Variants in PRDM1 observed in about 807,000 individuals in gnomAD.
PRDM1 encodes the protein PR domain zinc finger protein 1.
PRDM1 carries 13 observed loss-of-function variants against 62.8 expected under a neutral mutation model. That is an observed-to-expected ratio of 0.21 (90% CI 0.13 to 0.33). The LOEUF is 0.33. Among genes scored for constraint, PRDM1 ranks in the 10% least tolerant of loss-of-function variants. The probability of loss-of-function intolerance (pLI) is 1.00; values close to 1 mark genes in which losing one functional copy is unlikely to be tolerated. For synonymous variants in PRDM1, 396 were observed against 417.6 expected (o/e 0.95, Z 0.63); for missense variants, 895 against 1,058.8 (o/e 0.85, Z 2.15).
At chr6:106,103,479 C>T (rs1774336056) in intron 4 of PRDM1, among the ~76,000 whole-genome samples, 1 of 152,152 alleles carries the variant, frequency 6.6e-6, no homozygotes, top group Non-Finnish European at 1.5e-5. Context: ...CATTGACAGC[C>T]AATGCCTTCA....
In PRDM1 at chr6:105,995,842, G is replaced by A. The variant is rs185787370; in HGVS notation, c.-67+2203G>A. ...AAAATAATAAGTGTAACTAATTTTC[G>A]GGGACAATCTTTAGTTTGTAAGGCC... On this transcript the variant is annotated intron_variant, in intron 1 of 6. Coordinates refer to the PRDM1 transcript ENST00000652320. Among the ~76,000 whole-genome samples, 376 of 152,024 alleles carry A rather than the reference G, an allele frequency of 2.5e-3. 1 individual carries two copies. Among genetic ancestry groups the A allele is most frequent in the African/African-American group, 9.0e-3 (372 of 41,456 alleles).
intron 1 of PRDM1, among the ~76,000 whole-genome samples, chr6:106,040,847 A>G (rs1310055903): frequency 6.6e-6 from 1 of 152,240 alleles, no homozygotes; most frequent in Admixed American, 6.5e-5. Flanking sequence ...AAAACAGATC[A>G]TATTACTATC....
rs931566033 is a variant in PRDM1, at chr6:106,107,519, G to A, written c.*33G>A. On this transcript the variant is annotated 3_prime_UTR_variant, in exon 7 of 7. Coordinates refer to ENST00000369096, the MANE Select transcript of PRDM1 (RefSeq NM_001198.4). ...AGAAAACACTTATTTTGTTTCTTAA[G>A]TTATGACTTGGTGAGTCAGGGTGCC... is the stretch of plus-strand genomic sequence containing the variant. 4 of 1,548,910 alleles carry A rather than the reference G, an allele frequency of 2.6e-6. No homozygotes were observed. Among genetic ancestry groups the A allele is most frequent in the Non-Finnish European group, 2.6e-6 (3 of 1,144,088 alleles).
In PRDM1 at chr6:106,086,354, C is replaced by T; in HGVS notation, c.-200C>T. ...GACGGTTAACACAGACAAAGTGCTG[C>T]CGTGACACTCGGCCCTCCAGTGTTG... On this transcript the variant is annotated 5_prime_UTR_variant, in exon 1 of 7. Coordinates refer to ENST00000369096, the MANE Select transcript of PRDM1 (RefSeq NM_001198.4). The T allele has an allele frequency of 1.9e-6, 1 of 520,774 alleles. No individual in the cohort carries two copies. Among genetic ancestry groups the T allele is most frequent in the Non-Finnish European group, 3.5e-6 (1 of 289,556 alleles). 32.3% of individuals were successfully genotyped at this position (520,774 alleles called of 1,614,324 possible). A position where few individuals can be genotyped will look rare whatever the true frequency, so the allele number is the denominator to read the frequency against.
At chr6:106,055,411 A>G (rs900747447) in intron 1 of PRDM1, among the ~76,000 whole-genome samples, 5 of 152,218 alleles carry the variant, frequency 3.3e-5, no homozygotes, top group Non-Finnish European at 7.3e-5. Flanking sequence ...GCATGTGATT[A>G]GTAGCCTGGT....
In PRDM1 at chr6:106,088,249, G is replaced by GAGGGGACCA; in HGVS notation, c.101_109dup (p.Lys34_Thr36dup). 1.2e-6 allele frequency: 2 copies of GAGGGGACCA among 1,614,098 alleles called. No homozygotes were observed. Among genetic ancestry groups the GAGGGGACCA allele is most frequent in the Non-Finnish European group, 1.7e-6 (2 of 1,179,994 alleles). ...CACTGTGAGGTTTCAGGGATTGGCA[G>GAGGGGACCA]AGGGGACCAAGGGGACCATGAAAAT... is the stretch of plus-strand genomic sequence containing the variant. On this transcript the variant is annotated inframe_insertion, in exon 2 of 7. Coordinates refer to ENST00000369096, the MANE Select transcript of PRDM1 (RefSeq NM_001198.4).
chr6:106,092,869 A>T (rs1774001084), intron 2 of PRDM1, among the ~76,000 whole-genome samples: 1 of 152,220 alleles, frequency 6.6e-6, no homozygotes, highest in Non-Finnish European at 1.5e-5. Flanking sequence ...GTGGTTTGTA[A>T]GTGCCTTCCA....
intron 1 of PRDM1, among the ~76,000 whole-genome samples, chr6:106,055,264 G>A (rs192570516): frequency 5.8e-4 from 89 of 152,332 alleles, no homozygotes; most frequent in African/African-American, 2.0e-3. Flanking sequence ...AAAAAGTAGA[G>A]TTGGCTTTTA....
At position 106,075,441 on chromosome 6, in the gene PRDM1, AT is replaced by A. The variant is rs562313320; in HGVS notation, c.-66-12758del. On this transcript the variant is annotated intron_variant, in intron 1 of 6. Transcript: ENST00000651185. ...GATCTATGGCATTCAGAATAAGAAC[AT>A]TAATATGCAGCAACAGTAGCTTCTT... Among the ~76,000 whole-genome samples the A allele has an allele frequency of 1.5e-3, 228 of 152,350 alleles. 1 individual carries two copies. Among genetic ancestry groups the A allele is most frequent in the African/African-American group, 5.4e-3 (225 of 41,592 alleles).
At position 106,105,578 on chromosome 6, in the gene PRDM1, A is replaced by G. The variant is rs1774452893; in HGVS notation, c.1418A>G (p.Asp473Gly). ...PTSLPSSLPSDGARRLLQPEH... is the reference protein window; with the variant it reads ...PTSLPSSLPSGGARRLLQPEH... ...TCTCTCCCGAGCTCGCTGCCCTCAG[A>G]TGGAGCCCGGAGGTTGCTCCAGCCG... Residue 473 changes from aspartate to glycine, a missense_variant, in exon 5 of 7, where the codon GAT (aspartate) becomes GGT (glycine). Physicochemically the swap from Asp to Gly is moderately conservative, Grantham distance 94. Transcript: ENST00000369096. 5 of 1,612,810 alleles carry G rather than the reference A, an allele frequency of 3.1e-6. No homozygotes were observed. The highest frequency in any genetic ancestry group is 1.3e-5 in the African/African-American group (1 of 74,878).
upstream of PRDM1, among the ~76,000 whole-genome samples, chr6:106,085,883 A>G (rs573006380): frequency 6.6e-6 from 1 of 151,936 alleles, no homozygotes; most frequent in East Asian, 1.9e-4. Flanking sequence ...TGCGTTACAT[A>G]CACAACAGCT....
chr6:105,995,712 TTGAA>T (rs1322825128), intron 1 of PRDM1, among the ~76,000 whole-genome samples: 1 of 152,056 alleles, frequency 6.6e-6, no homozygotes, highest in East Asian at 1.9e-4. Context: ...ACATTGTCCT[TTGAA>T]TGAAAGTTTT....
At chr6:106,039,289 A>C (rs1048548710) in intron 1 of PRDM1, among the ~76,000 whole-genome samples, 1 of 152,194 alleles carries the variant, frequency 6.6e-6, no homozygotes, top group African/African-American at 2.4e-5. Context: ...CTTTAAAAAT[A>C]GACAGAGAGC....
At chr6:106,033,528 C>G (rs575706032) in intron 1 of PRDM1, among the ~76,000 whole-genome samples, 47 of 152,118 alleles carry the variant, frequency 3.1e-4, no homozygotes, top group African/African-American at 9.6e-4. Flanking sequence ...GTTGACCAGG[C>G]TGGTCTTGAA....
At chr6:106,016,121 C>T (rs1045996432) in intron 1 of PRDM1, among the ~76,000 whole-genome samples, 1 of 152,100 alleles carries the variant, frequency 6.6e-6, no homozygotes, top group Non-Finnish European at 1.5e-5. Context: ...ATAATGTTTT[C>T]AAGGAACATG....
At chr6:106,099,805 A>G (rs1774216225) in intron 4 of PRDM1, 2 of 492,974 alleles carry the variant, frequency 4.1e-6, no homozygotes, top group Non-Finnish European at 7.2e-6. Context: ...ACAGGAAGAA[A>G]TATATGTCCA....
At chr6:106,018,169 TA>T (rs113846410) in intron 1 of PRDM1, among the ~76,000 whole-genome samples, 53 of 149,738 alleles carry the variant, frequency 3.5e-4, no homozygotes, top group Admixed American at 1.2e-3. Flanking sequence ...CAGAATACTT[TA>T]AAAAAAAAAT....
intron 1 of PRDM1, among the ~76,000 whole-genome samples, chr6:106,028,701 CAT>C (rs1456039152): frequency 6.6e-6 from 1 of 152,284 alleles, no homozygotes; most frequent in Non-Finnish European, 1.5e-5. Context: ...TCCACAGACA[CAT>C]GTGATGTCAT....
intron 1 of PRDM1, among the ~76,000 whole-genome samples, chr6:106,012,492 C>T (rs1367499903): frequency 6.6e-6 from 1 of 151,840 alleles, no homozygotes; most frequent in Non-Finnish European, 1.5e-5. Context: ...ACACACCCCT[C>T]CACATTTACA....
Sources: allele counts gnomAD v4.1 joint callset (sites outside exome capture counted in the v4.1 genomes callset), GRCh38; gene constraint gnomAD v4.1.1; transcripts MANE v1.5; gene names NCBI Gene and HGNC (gene_info 2026-07-23, HGNC 2026-07-21).